Variants in GPR173 observed in about 807,000 individuals in gnomAD.
The protein encoded by GPR173 is G protein-coupled receptor 173.
Under a neutral mutation model 13.9 loss-of-function variants are expected in GPR173, and 2 were observed. The ratio of observed to expected loss-of-function variants is 0.14; its 90% confidence interval spans 0.06 to 0.45. The LOEUF (loss-of-function observed/expected upper bound fraction) is 0.45. GPR173 is among the 20% of genes least tolerant of loss of function. The pLI, the probability that GPR173 is intolerant of heterozygous loss-of-function variation, is 0.98. For synonymous variants in GPR173, 131 were observed against 141.0 expected (o/e 0.93, Z 0.50); for missense variants, 202 against 340.5 (o/e 0.59, Z 3.20).
chrX:53,072,148 TG>T (rs1932266525), intron 1 of GPR173, among the ~76,000 whole-genome samples: 1 of 103,302 alleles, frequency 9.7e-6, no homozygotes, highest in African/African-American at 3.5e-5. Flanking sequence ...GGGGGGGATG[TG>T]GGGGGTTTTG....
chrX:53,077,712 C>T lies in GPR173; in HGVS notation c.1091C>T (p.Pro364Leu), dbSNP rs1395746909. The T allele has an allele frequency of 7.5e-6, 9 of 1,206,876 alleles. No individual in the cohort carries two copies. The highest frequency in any genetic ancestry group is 2.2e-5 in the Admixed American group (1 of 45,743). ...HAPCWGTGGA[P>L]APREPYCVM is the part of the protein sequence containing the mutation. ...CCCTGCTGGGGCACAGGAGGTGCCCCGGCTCCCAGAGAACCCTACTGTGTC... is the reference window on the plus strand; with the variant it reads ...CCCTGCTGGGGCACAGGAGGTGCCCTGGCTCCCAGAGAACCCTACTGTGTC... Residue 364 changes from proline (P) to leucine (L), a missense_variant, in exon 2 of 2, where the codon CCG becomes CTG. Pro to Leu is a moderately conservative substitution (Grantham distance 98, BLOSUM62 -3). This residue lies in a region of GPR173 where 76 missense variants were observed against 116.3 expected (regional missense o/e 0.65). Transcript: ENST00000332582.
intron 1 of GPR173, among the ~76,000 whole-genome samples, chrX:53,074,097 A>AAT (rs1317953062): frequency 2.6e-4 from 3 of 11,443 alleles, no homozygotes; most frequent in Non-Finnish European, 3.6e-4. Context: ...TTTATATATA[A>AAT]ATATATAAAT....
Position 53,076,653 on chromosome X carries a change from T to C in GPR173, c.32T>C (p.Val11Ala). Residue 11 changes from valine (V) to alanine (A), a missense_variant, in exon 2 of 2, where the codon GTG (valine) becomes GCG (alanine). Physicochemically the swap from Val to Ala is moderately conservative, Grantham distance 64 (BLOSUM62 0). Transcript: ENST00000332582. MANTTGEPEEVSGALSPPSAS... is the reference protein window; with the variant it reads MANTTGEPEEASGALSPPSAS... The stretch of plus-strand genomic sequence containing the variant: ...AACACTACCGGAGAGCCTGAGGAGG[T>C]GAGCGGCGCTCTGTCCCCACCGTCC... The C allele has an allele frequency of 8.4e-7, 1 of 1,195,491 alleles. No individual in the cohort carries two copies. Among genetic ancestry groups the C allele is most frequent in the Non-Finnish European group, 1.1e-6 (1 of 885,583 alleles).
At chrX:53,070,259 CCTAT>C (rs1343569036) in intron 1 of GPR173, among the ~76,000 whole-genome samples, 1 of 110,621 alleles carries the variant, frequency 9.0e-6, no homozygotes, top group African/African-American at 3.3e-5. Context: ...CTTGTGTGTA[CCTAT>C]CTGTCAGTGT....
intron 1 of GPR173, among the ~76,000 whole-genome samples, chrX:53,062,312 G>A (rs1384278247): frequency 9.1e-6 from 1 of 110,376 alleles, no homozygotes; most frequent in Non-Finnish European, 1.9e-5. Flanking sequence ...ACTCGTTCCA[G>A]CACCAACTCA....
intron 1 of GPR173, among the ~76,000 whole-genome samples, chrX:53,052,880 G>A (rs1021860862): frequency 2.0e-4 from 22 of 111,158 alleles, no homozygotes; most frequent in African/African-American, 7.2e-4. Flanking sequence ...GTGTGTCTGT[G>A]ATGAGTGTGG....
intron 1 of GPR173, among the ~76,000 whole-genome samples, chrX:53,054,390 G>A (rs1932003336): frequency 9.1e-6 from 1 of 110,073 alleles, no homozygotes; most frequent in African/African-American, 3.3e-5. Context: ...TGTAGTCCCA[G>A]CTACTTGGGA....
In GPR173 at chrX:53,076,753, C is replaced by G. The variant is rs782624992; in HGVS notation, c.132C>G (p.Ser44=). 7.4e-6 allele frequency: 9 copies of G among 1,210,206 alleles called. No individual in the cohort carries two copies. Among genetic ancestry groups the G allele is most frequent in the Non-Finnish European group, 1.0e-5 (9 of 895,016 alleles). Residue 44 remains serine, a synonymous_variant, in exon 2 of 2, where the codon TCC becomes TCG. Transcript: ENST00000332582. ...CVSLAGNAIL[S]LLVLKERALH... is the part of the protein sequence containing the mutation. The stretch of plus-strand genomic sequence containing the variant: ...GCCTGGCGGGTAACGCCATCTTGTC[C>G]CTGCTGGTGCTCAAGGAGCGTGCCC...
At chrX:53,053,599 C>T (rs782094696) in intron 1 of GPR173, among the ~76,000 whole-genome samples, 1 of 112,938 alleles carries the variant, frequency 8.9e-6, no homozygotes, top group East Asian at 2.8e-4. Context: ...GTCTGTCAGT[C>T]GATGTGAGAG....
At chrX:53,051,582 A>T (rs1486675035) in intron 1 of GPR173, among the ~76,000 whole-genome samples, 1 of 109,829 alleles carries the variant, frequency 9.1e-6, no homozygotes, top group Non-Finnish European at 1.9e-5. Context: ...TTGTGTGTGT[A>T]CTGTGGGGTG....
At chrX:53,070,229 AG>A (rs1214495874) in intron 1 of GPR173, among the ~76,000 whole-genome samples, 1 of 111,292 alleles carries the variant, frequency 9.0e-6, no homozygotes, top group Admixed American at 9.6e-5. Context: ...TGTGAATGAA[AG>A]TATATGTGGG....
chrX:53,076,261 T>C (rs1932429569), intron 1 of GPR173, among the ~76,000 whole-genome samples: 1 of 110,659 alleles, frequency 9.0e-6, no homozygotes, highest in African/African-American at 3.3e-5. Context: ...GTCTCCTGTC[T>C]GTCTCTCTCT....
At chrX:53,066,113 T>TA (rs1464061408) in intron 1 of GPR173, among the ~76,000 whole-genome samples, 2 of 111,152 alleles carry the variant, frequency 1.8e-5, no homozygotes, top group Non-Finnish European at 3.8e-5. Context: ...AATAAATAAA[T>TA]AAATAAATGC....
At chrX:53,055,802 T>A (rs1932025235) in intron 1 of GPR173, among the ~76,000 whole-genome samples, 1 of 109,504 alleles carries the variant, frequency 9.1e-6, no homozygotes, top group African/African-American at 3.3e-5. Context: ...TGATGATATA[T>A]GAGAGGGTGG....
intron 1 of GPR173, among the ~76,000 whole-genome samples, chrX:53,059,110 G>A (rs893653012): frequency 1.2e-4 from 13 of 106,868 alleles, no homozygotes; most frequent in South Asian, 4.3e-4. Flanking sequence ...TTAGCCGGGC[G>A]TGGTGGCAGG....
chrX:53,062,588 T>C (rs1314679185), intron 1 of GPR173, among the ~76,000 whole-genome samples: 1 of 94,138 alleles, frequency 1.1e-5, no homozygotes, highest in Non-Finnish European at 2.1e-5. Flanking sequence ...TTTTTTTTTT[T>C]TTTTTTTTTT....
At chrX:53,071,548 A>G (rs781963610) in intron 1 of GPR173, among the ~76,000 whole-genome samples, 16 of 112,184 alleles carry the variant, frequency 1.4e-4, no homozygotes, top group South Asian at 3.6e-4. Context: ...TAAAAGTCCA[A>G]AGTCCTAGAG....
intron 1 of GPR173, among the ~76,000 whole-genome samples, chrX:53,068,597 G>A (rs1602092578): frequency 9.3e-6 from 1 of 108,105 alleles, no homozygotes; most frequent in South Asian, 4.1e-4. Context: ...GCAACATAGT[G>A]AGACTGCATC....
chrX:53,064,346 A>G (rs1184872478), intron 1 of GPR173, among the ~76,000 whole-genome samples: 2 of 111,450 alleles, frequency 1.8e-5, no homozygotes, highest in Non-Finnish European at 3.8e-5. Context: ...AGGCGGGAGG[A>G]TTGCTTGAGG....
Sources: allele counts gnomAD v4.1 joint callset (sites outside exome capture counted in the v4.1 genomes callset), GRCh38; gene constraint gnomAD v4.1.1; regional missense constraint gnomAD v4.1.1; transcripts MANE v1.5; gene names NCBI Gene and HGNC (gene_info 2026-07-23, HGNC 2026-07-21).